CELF2: variants seen among roughly 807,000 people sequenced by gnomAD.
CELF2 encodes CUG triplet repeat RNA-binding protein 2.
In CELF2, 8 loss-of-function variants were observed where a neutral mutation model predicts 62.6. The ratio of observed to expected loss-of-function variants is 0.13; its 90% confidence interval spans 0.07 to 0.23. The LOEUF is 0.23. Among genes scored for constraint, CELF2 ranks in the 10% least tolerant of loss-of-function variants. CELF2 has a pLI of 1.00. For missense variants in CELF2, 333 were observed against 671.0 expected, an observed-to-expected ratio of 0.50 and a Z score of 5.56; for synonymous variants, 258 against 250.0, an observed-to-expected ratio of 1.03 and a Z score of -0.30.
the CELF2 span, among the ~76,000 whole-genome samples, chr10:10,748,022 C>T: frequency 6.6e-6 from 1 of 152,094 alleles, no homozygotes; most frequent in Non-Finnish European, 1.5e-5. Context: ...GAGCTTAAAA[C>T]GTTGCACTCA....
At chr10:11,197,026 A>AGG (rs1554936340) in intron 2 of CELF2, among the ~76,000 whole-genome samples, 59 of 1,578 alleles carry the variant, frequency 0.037, 2 homozygotes, top group Non-Finnish European at 0.069. Context: ...GAAAGAAAGA[A>AGG]AAGAAAGAAA....
the CELF2 span, among the ~76,000 whole-genome samples, chr10:10,568,050 T>C: frequency 6.6e-6 from 1 of 151,964 alleles, no homozygotes; most frequent in Non-Finnish European, 1.5e-5. Context: ...AAAAACAAAA[T>C]AATTACAGGG....
At chr10:10,853,961 A>C (rs993500854) in intron 1 of CELF2, among the ~76,000 whole-genome samples, 1 of 152,206 alleles carries the variant, frequency 6.6e-6, no homozygotes, top group Admixed American at 6.5e-5. Context: ...CTCCGGATGC[A>C]ACTTTTCTAT....
Position 11,321,435 on chromosome 10 carries a change from C to G in CELF2, c.1294+49C>G, listed in dbSNP as rs1194870564. The stretch of plus-strand genomic sequence containing the variant: ...GCAGGGCCCAGCCCAACAGGCAGCA[C>G]TGGCCTCTAGAGCACGGTTAGAAGG... On this transcript the variant is annotated intron_variant, in intron 11 of 12. Coordinates refer to ENST00000633077, the MANE Select transcript of CELF2 (RefSeq NM_001326342.2). This position sits in a 1 kb window ranked among gnomAD's most constrained non-coding sequence, Gnocchi z 6.2. The G allele has an allele frequency of 1.0e-5, 15 of 1,498,418 alleles. No homozygotes were observed. The highest frequency in any genetic ancestry group is 4.1e-5 in the African/African-American group (3 of 72,628). The allele number at this position is 1,498,418 out of a possible 1,614,324, so 92.8% of individuals were successfully genotyped here.
chr10:10,649,146 C>A, the CELF2 span, among the ~76,000 whole-genome samples: 1 of 152,120 alleles, frequency 6.6e-6, no homozygotes, highest in Admixed American at 6.5e-5. Context: ...GTGAAAGTCG[C>A]GATTCTCATA....
At chr10:10,642,725 T>C in the CELF2 span, among the ~76,000 whole-genome samples, 2 of 152,238 alleles carry the variant, frequency 1.3e-5, no homozygotes, top group African/African-American at 2.4e-5. Flanking sequence ...AAGGAATGAA[T>C]AGTAAAAGTT....
chr10:10,503,339 C>A, the CELF2 span, among the ~76,000 whole-genome samples: 1 of 152,044 alleles, frequency 6.6e-6, no homozygotes, highest in East Asian at 1.9e-4. Flanking sequence ...AAGTCTATAA[C>A]TCTAATTGCG....
At chr10:11,278,265 A>C (rs1463482420) in intron 8 of CELF2, among the ~76,000 whole-genome samples, 1 of 152,228 alleles carries the variant, frequency 6.6e-6, no homozygotes, top group African/African-American at 2.4e-5. Flanking sequence ...GTTTTTATCC[A>C]AGAGAACCTT....
At chr10:11,049,984 G>T (rs1165325835) in intron 1 of CELF2, among the ~76,000 whole-genome samples, 1 of 152,214 alleles carries the variant, frequency 6.6e-6, no homozygotes, top group African/African-American at 2.4e-5. Flanking sequence ...GCCACCTGCT[G>T]GTTCCACATG....
chr10:11,172,866 TAAAGTAG>T (rs796123621), intron 2 of CELF2, among the ~76,000 whole-genome samples: 117 of 152,310 alleles, frequency 7.7e-4, no homozygotes, highest in African/African-American at 2.7e-3. Context: ...TTTCTGGAAT[TAAAGTAG>T]CAGAAGAATA....
intron 4 of CELF2, among the ~76,000 whole-genome samples, chr10:11,256,272 T>C (rs146088974): frequency 3.3e-5 from 5 of 152,324 alleles, no homozygotes; most frequent in Non-Finnish European, 5.9e-5. Flanking sequence ...AACAGCACTG[T>C]GGTAGAGGAA....
At position 11,178,851 on chromosome 10, in the gene CELF2, A is replaced by G. The variant is rs74389208; in HGVS notation, c.271+13169A>G. 1.8e-3 allele frequency among the ~76,000 whole-genome samples: 280 copies of G among 152,342 alleles called. 3 individuals are homozygous for G. The highest frequency in any genetic ancestry group is 0.014 in the Admixed American group (221 of 15,306). Reference sequence around the variant, plus strand: ...GAAAACCCATTGGTCGGGCTGCCCTAGCAACACAGAATGCTGTGCTGACAC... The same window carrying G: ...GAAAACCCATTGGTCGGGCTGCCCTGGCAACACAGAATGCTGTGCTGACAC... On this transcript the variant is annotated intron_variant, in intron 2 of 12. Transcript: ENST00000633077. The surrounding 1 kb of genome is among the most constrained non-coding windows in gnomAD (Gnocchi z 4.3).
At chr10:10,535,504 G>A in the CELF2 span, among the ~76,000 whole-genome samples, 2 of 152,124 alleles carry the variant, frequency 1.3e-5, no homozygotes, top group East Asian at 1.9e-4. Context: ...TGGATCATGA[G>A]GTCAGGAGTT....
intron 1 of CELF2, among the ~76,000 whole-genome samples, chr10:10,801,235 A>G (rs2054632303): frequency 1.3e-5 from 2 of 152,204 alleles, no homozygotes; most frequent in Non-Finnish European, 2.9e-5. Flanking sequence ...CACCAAGTTC[A>G]TTCTGTCCAC....
chr10:11,082,225 A>G (rs573872996), intron 1 of CELF2, among the ~76,000 whole-genome samples: 9 of 151,554 alleles, frequency 5.9e-5, no homozygotes, highest in South Asian at 4.2e-4. Flanking sequence ...AAAACATAGG[A>G]AAAAAAAATG....
intron 1 of CELF2, among the ~76,000 whole-genome samples, chr10:11,093,190 G>A (rs1240753965): frequency 1.3e-5 from 2 of 152,146 alleles, no homozygotes; most frequent in East Asian, 3.9e-4. Context: ...AGTTCATGCT[G>A]CTCTCAATCA....
At position 11,334,596 on chromosome 10, in the gene CELF2, A is replaced by G. The variant is rs11257059; in HGVS notation, c.*5543A>G. 1 of 152,178 alleles carries G rather than the reference A, an allele frequency of 6.6e-6. No homozygotes were observed. Among genetic ancestry groups the G allele is most frequent in the Non-Finnish European group, 1.5e-5 (1 of 68,018 alleles). The allele number at this position is 152,178 out of a possible 1,614,324, so 9.4% of individuals were successfully genotyped here. ...TCCAAGATTTATACACTTTTTTCCT[A>G]CAGTTCACCTCAGTAACTGCCTTTG... is the stretch of plus-strand genomic sequence containing the variant. On this transcript the variant is annotated 3_prime_UTR_variant, in exon 13 of 13. Transcript: ENST00000633077.
At chr10:10,735,905 C>T in the CELF2 span, among the ~76,000 whole-genome samples, 1 of 152,176 alleles carries the variant, frequency 6.6e-6, no homozygotes, top group Non-Finnish European at 1.5e-5. Context: ...TTACTAGCCA[C>T]TGTATCTTCT....
chr10:11,268,284 T>G lies in CELF2; in HGVS notation c.618+1607T>G, dbSNP rs1431054359. On this transcript the variant is annotated intron_variant, in intron 6 of 12. Coordinates refer to ENST00000633077, the MANE Select transcript of CELF2 (RefSeq NM_001326342.2). This position sits in a 1 kb window ranked among gnomAD's most constrained non-coding sequence, Gnocchi z 4.7. ...ATCTTCCATATACGCGTTTCATTCTTATTTTTATTTCTTGTAATTTAGTGA... is the reference window on the plus strand; with the variant it reads ...ATCTTCCATATACGCGTTTCATTCTGATTTTTATTTCTTGTAATTTAGTGA... 3.9e-5 allele frequency among the ~76,000 whole-genome samples: 6 copies of G among 152,234 alleles called. No homozygotes were observed. The highest frequency in any genetic ancestry group is 6.5e-5 in the Admixed American group (1 of 15,286).
Sources: gnomAD v4.1 joint callset for allele counts (sites outside exome capture counted in the v4.1 genomes callset) on GRCh38, gnomAD v4.1.1 for gene constraint, Gnocchi (gnomAD v3.1) non-coding constraint, MANE v1.5 for transcripts, NCBI Gene and HGNC (gene_info 2026-07-23, HGNC 2026-07-21) for gene names.